Variants in VIT observed in about 807,000 individuals in gnomAD.
VIT encodes vitrin.
Under a neutral mutation model 78.0 loss-of-function variants are expected in VIT, and 99 were observed. That is an observed-to-expected ratio of 1.27 (90% CI 1.08 to 1.50). The LOEUF (loss-of-function observed/expected upper bound fraction) is 1.50. Ranked by LOEUF, VIT falls within the 40% of genes most tolerant of loss-of-function variation. VIT has a pLI of 0.00. For synonymous variants in VIT, 374 were observed against 334.3 expected (o/e 1.12, Z -1.29); for missense variants, 1,126 against 875.3 (o/e 1.29, Z -3.61).
chr2:36,796,065 A>G (rs1665875422), intron 12 of VIT, among the ~76,000 whole-genome samples: 1 of 151,612 alleles, frequency 6.6e-6, no homozygotes, highest in Non-Finnish European at 1.5e-5. Context: ...TGATGAAGCT[A>G]TGGAAAAGAG....
intron 6 of VIT, among the ~76,000 whole-genome samples, chr2:36,764,747 G>C (rs189086165): frequency 2.0e-5 from 3 of 152,110 alleles, no homozygotes; most frequent in African/African-American, 7.2e-5. Context: ...TGCAAAAGAC[G>C]GCAGAGTCAG....
intron 12 of VIT, among the ~76,000 whole-genome samples, chr2:36,799,624 G>T (rs1469973652): frequency 6.6e-6 from 1 of 151,852 alleles, no homozygotes; most frequent in African/African-American, 2.4e-5. Flanking sequence ...AGGCTGAGGT[G>T]GGAGGATGCT....
intron 12 of VIT, among the ~76,000 whole-genome samples, chr2:36,795,757 T>A (rs1665851629): frequency 6.6e-6 from 1 of 152,150 alleles, no homozygotes; most frequent in African/African-American, 2.4e-5. Flanking sequence ...AGTCTTTTTT[T>A]AGTGCCACGT....
intron 7 of VIT, among the ~76,000 whole-genome samples, chr2:36,772,602 G>A (rs1669829379): frequency 6.6e-6 from 1 of 152,176 alleles, no homozygotes; most frequent in Non-Finnish European, 1.5e-5. Flanking sequence ...AGCTACTCAG[G>A]AGGCTGAGGC....
chr2:36,777,074 G>A (rs1273808919), intron 9 of VIT, among the ~76,000 whole-genome samples: 2 of 55,936 alleles, frequency 3.6e-5, no homozygotes, highest in Non-Finnish European at 1.4e-4. Context: ...GGGCGACAGA[G>A]CGAGACTCTG....
At chr2:36,780,059 A>G (rs1228194894) in intron 9 of VIT, among the ~76,000 whole-genome samples, 1 of 152,202 alleles carries the variant, frequency 6.6e-6, no homozygotes, top group African/African-American at 2.4e-5. Context: ...ATGTTCTCAC[A>G]AATTTACTTC....
At chr2:36,717,084 C>G (rs1427584049) in intron 2 of VIT, among the ~76,000 whole-genome samples, 2 of 151,810 alleles carry the variant, frequency 1.3e-5, no homozygotes, top group East Asian at 3.9e-4. Context: ...ACCATGCTGG[C>G]CAGGCTGGTC....
chr2:36,744,413 T>C (rs887065795), intron 4 of VIT, among the ~76,000 whole-genome samples: 8 of 152,186 alleles, frequency 5.3e-5, no homozygotes, highest in African/African-American at 1.9e-4. Flanking sequence ...GCTCTCCACA[T>C]TGGCTGAACT....
intron 6 of VIT, 71 bp downstream of exon 6, chr2:36,759,117 C>A (rs747277710): frequency 6.2e-7 from 1 of 1,614,032 alleles, no homozygotes; most frequent in Non-Finnish European, 8.5e-7. Context: ...TGGGAGATAG[C>A]GGAGAAATTA....
chr2:36,766,112 C>T (rs1669412094), intron 6 of VIT, among the ~76,000 whole-genome samples: 1 of 152,248 alleles, frequency 6.6e-6, no homozygotes, highest in Non-Finnish European at 1.5e-5. Flanking sequence ...TGCTCTAAAC[C>T]TTCAGAGATA....
intron 6 of VIT, 85 bp downstream of exon 6, chr2:36,759,131 TCTTAACCGGTCAAG>T: frequency 1.2e-6 from 2 of 1,612,872 alleles, no homozygotes; most frequent in East Asian, 4.5e-5. Flanking sequence ...GAAATTAACA[TCTTAACCGGTCAAG>T]CTCCACTGGC....
At chr2:36,778,685 G>A (rs962233449) in intron 9 of VIT, among the ~76,000 whole-genome samples, 1 of 152,192 alleles carries the variant, frequency 6.6e-6, no homozygotes, top group Non-Finnish European at 1.5e-5. Context: ...CTTGTGTGAT[G>A]CGCTACCAGC....
Position 36,754,986 on chromosome 2 carries a change from A to C in VIT, c.341A>C (p.Lys114Thr), listed in dbSNP as rs1267134818. 1 of 1,614,062 alleles carries C rather than the reference A, an allele frequency of 6.2e-7. No individual in the cohort carries two copies. The highest frequency in any genetic ancestry group is 2.2e-5 in the East Asian group (1 of 44,898). Residue 114 changes from lysine (K) to threonine (T), a missense_variant, in exon 5 of 16, where the codon AAA becomes ACA. By Grantham distance (78) the Lys-to-Thr change is moderately conservative. Transcript: ENST00000379242. ...VRKVAGQSGY[K>T]GSYSNGVQSL... ...AAGGTTGCTGGACAGTCTGGTTACA[A>C]AGGGAGTTATTCCAACGGTGTCCAA...
intron 6 of VIT, among the ~76,000 whole-genome samples, chr2:36,761,984 C>T (rs974875055): frequency 6.6e-6 from 1 of 152,054 alleles, no homozygotes; most frequent in African/African-American, 2.4e-5. Context: ...TCTAAGCAGC[C>T]CAAAAAGTAT....
At chr2:36,732,694 A>G (rs1439509708) in intron 3 of VIT, among the ~76,000 whole-genome samples, 2 of 152,202 alleles carry the variant, frequency 1.3e-5, no homozygotes, top group East Asian at 3.8e-4. Context: ...GACTCGATCT[A>G]TGCCCTCACA....
At chr2:36,715,315 G>A (rs1441853753) in intron 1 of VIT, among the ~76,000 whole-genome samples, 5 of 152,104 alleles carry the variant, frequency 3.3e-5, no homozygotes, top group Non-Finnish European at 5.9e-5. Context: ...CGAGGCAGGT[G>A]GATCACAAGG....
intron 2 of VIT, among the ~76,000 whole-genome samples, chr2:36,724,219 A>G (rs556935820): frequency 3.9e-5 from 6 of 152,088 alleles, no homozygotes; most frequent in Non-Finnish European, 5.9e-5. Flanking sequence ...GGGTTTCACC[A>G]TGTTGGCCAG....
At chr2:36,767,356 G>C (rs1390987556) in intron 7 of VIT, 71 bp downstream of exon 7, 1 of 1,388,900 alleles carries the variant, frequency 7.2e-7, no homozygotes, top group African/African-American at 1.5e-5. Flanking sequence ...TAACAGCTCT[G>C]TCTGAGCATC....
intron 9 of VIT, among the ~76,000 whole-genome samples, chr2:36,776,933 C>G (rs1477917062): frequency 6.8e-6 from 1 of 147,696 alleles, no homozygotes; most frequent in Non-Finnish European, 1.5e-5. Flanking sequence ...ACTAAAAACA[C>G]AAAAAATTAG....
Sources: gnomAD v4.1 joint callset for allele counts (sites outside exome capture counted in the v4.1 genomes callset) on GRCh38, gnomAD v4.1.1 for gene constraint, MANE v1.5 for transcripts, NCBI Gene and HGNC (gene_info 2026-07-23, HGNC 2026-07-21) for gene names.